Variants in TMEM71 observed in about 807,000 individuals in gnomAD.
The protein encoded by TMEM71 is transmembrane protein 71.
TMEM71 carries 44 observed loss-of-function variants against 38.0 expected under a neutral mutation model. That is an observed-to-expected ratio of 1.16 (90% CI 0.91 to 1.49). TMEM71 has a LOEUF of 1.49. Among genes scored for constraint, TMEM71 ranks in the 40% most tolerant of loss-of-function variants. The pLI, the probability that TMEM71 is intolerant of heterozygous loss-of-function variation, is 0.00. For missense variants in TMEM71, 367 were observed against 348.6 expected (o/e 1.05, Z -0.42); for synonymous variants, 133 against 122.5 (o/e 1.09, Z -0.56).
intron 6 of TMEM71, among the ~76,000 whole-genome samples, chr8:132,723,813 G>T (rs10104852): frequency 0.11 from 16,640 of 151,952 alleles, 1,118 homozygotes; most frequent in East Asian, 0.38. Flanking sequence ...CAAGCTTTTC[G>T]GAGTTTCACA....
At chr8:132,760,650 A>G (rs1019249339), upstream of TMEM71, 3 of 152,246 alleles carry the variant, frequency 2.0e-5, no homozygotes, top group African/African-American at 7.2e-5. Context: ...CTGCGTAACC[A>G]GAGGCAAAGA....
chr8:132,748,926 GT>G (rs1828541458), intron 4 of TMEM71, among the ~76,000 whole-genome samples: 2 of 152,208 alleles, frequency 1.3e-5, no homozygotes, highest in Non-Finnish European at 2.9e-5. Flanking sequence ...CTGAACTCAT[GT>G]TTCACCTTTG....
chr8:132,716,497 A>T (rs1166661142), intron 7 of TMEM71, among the ~76,000 whole-genome samples: 1 of 152,236 alleles, frequency 6.6e-6, no homozygotes, highest in African/African-American at 2.4e-5. Flanking sequence ...ATTTCATTTA[A>T]TAACAGTGAT....
downstream of TMEM71, among the ~76,000 whole-genome samples, chr8:132,708,255 C>T (rs1394252436): frequency 2.6e-5 from 4 of 152,174 alleles, no homozygotes; most frequent in African/African-American, 7.2e-5. Context: ...TGGCAGCACA[C>T]ACATCACTAG....
At chr8:132,707,591 T>A (rs1826112372), downstream of TMEM71, among the ~76,000 whole-genome samples, 1 of 152,156 alleles carries the variant, frequency 6.6e-6, no homozygotes, top group Admixed American at 6.5e-5. Context: ...CCTTTGGCCT[T>A]CTCTCATCTT....
intron 1 of TMEM71, 188 bp downstream of exon 1, chr8:132,760,288 A>C (rs575529540): frequency 2.0e-5 from 3 of 152,274 alleles, no homozygotes; most frequent in African/African-American, 4.8e-5. Flanking sequence ...TAATGTGTGC[A>C]TACGTGTTCC....
intron 3 of TMEM71, among the ~76,000 whole-genome samples, chr8:132,755,465 A>G (rs1016465554): frequency 3.3e-5 from 5 of 152,208 alleles, no homozygotes; most frequent in African/African-American, 1.2e-4. Flanking sequence ...AGCAAAGTCC[A>G]GCAACAAGCC....
At chr8:132,739,515 G>A (rs1332935423) in intron 5 of TMEM71, among the ~76,000 whole-genome samples, 1 of 152,084 alleles carries the variant, frequency 6.6e-6, no homozygotes, top group Non-Finnish European at 1.5e-5. Flanking sequence ...GTTTCACCAT[G>A]TTAGCCAGGA....
At chr8:132,758,654 C>T in intron 2 of TMEM71, 186 bp downstream of exon 2, 1 of 535,152 alleles carries the variant, frequency 1.9e-6, no homozygotes, top group Admixed American at 3.7e-5. Flanking sequence ...GGAAAAATAC[C>T]ACATTTCTTT....
rs1329850930 is a variant in TMEM71, at chr8:132,758,919, CA to C, written c.-36-5del. ...TTGCTCAAACTTCACAGATTCTCTG[CA>C]AAAGATGTTAAAAAAAAGGTGGACT... On this transcript the variant is annotated splice_region_variant and splice_polypyrimidine_tract_variant and intron_variant, in intron 1 of 9. Transcript: ENST00000677595. The C allele has an allele frequency of 6.3e-7, 1 of 1,590,062 alleles. No homozygotes were observed. The highest frequency in any genetic ancestry group is 2.2e-5 in the East Asian group (1 of 44,678).
At chr8:132,737,877 G>A (rs1182047352) in intron 5 of TMEM71, among the ~76,000 whole-genome samples, 1 of 152,144 alleles carries the variant, frequency 6.6e-6, no homozygotes, top group Admixed American at 6.5e-5. Context: ...TGTATCAACT[G>A]TATTCCTTCT....
At chr8:132,758,700 T>A in intron 2 of TMEM71, 140 bp downstream of exon 2, 1 of 682,360 alleles carries the variant, frequency 1.5e-6, no homozygotes. Context: ...ATTGCCAAAG[T>A]GAACACTGGC....
intron 6 of TMEM71, among the ~76,000 whole-genome samples, chr8:132,725,827 T>A (rs972014480): frequency 1.3e-5 from 2 of 151,836 alleles, no homozygotes; most frequent in Non-Finnish European, 2.9e-5. Flanking sequence ...TGAGGAAGAG[T>A]AGGAGGCCAC....
chr8:132,738,995 A>C (rs555296175), intron 5 of TMEM71, among the ~76,000 whole-genome samples: 3 of 152,194 alleles, frequency 2.0e-5, no homozygotes, highest in Non-Finnish European at 4.4e-5. Flanking sequence ...AGCTGGGTGA[A>C]GCATACACTG....
At chr8:132,727,011 C>G (rs773580038) in intron 6 of TMEM71, among the ~76,000 whole-genome samples, 1 of 152,042 alleles carries the variant, frequency 6.6e-6, no homozygotes, top group African/African-American at 2.4e-5. Flanking sequence ...CATGTGCCAC[C>G]ATGCCCAGCT....
downstream of TMEM71, among the ~76,000 whole-genome samples, chr8:132,706,365 AG>A (rs1826094768): frequency 6.6e-6 from 1 of 152,058 alleles, no homozygotes; most frequent in Non-Finnish European, 1.5e-5. Flanking sequence ...AAGTTTGTTG[AG>A]GGCAGGCACC....
chr8:132,760,671 G>A (rs539266534), upstream of TMEM71: 1 of 152,224 alleles, frequency 6.6e-6, no homozygotes, highest in Non-Finnish European at 1.5e-5. Context: ...AGCAGAATGA[G>A]GTCACACTTC....
the TMEM71 span, among the ~76,000 whole-genome samples, chr8:132,767,020 A>G: frequency 1.3e-5 from 2 of 152,142 alleles, no homozygotes; most frequent in Admixed American, 6.6e-5. Context: ...CTATTTAGCA[A>G]AAGAGTAATG....
the TMEM71 span, among the ~76,000 whole-genome samples, chr8:132,767,380 T>C: frequency 6.6e-6 from 1 of 152,152 alleles, no homozygotes; most frequent in Non-Finnish European, 1.5e-5. Context: ...CATTCTATTC[T>C]AAGAACATAT....
Sources: gnomAD v4.1 joint callset for allele counts (sites outside exome capture counted in the v4.1 genomes callset) on GRCh38, gnomAD v4.1.1 for gene constraint, MANE v1.5 for transcripts, NCBI Gene and HGNC (gene_info 2026-07-23, HGNC 2026-07-21) for gene names.